The following CLSTN2 variants were observed in gnomAD, a reference collection of about 807,000 sequenced individuals.
CLSTN2 encodes the protein calsyntenin-2.
Under a neutral mutation model 101.2 loss-of-function variants are expected in CLSTN2, and 48 were observed. The ratio of observed to expected loss-of-function variants is 0.47; its 90% CI spans 0.38 to 0.60. The LOEUF is 0.60. CLSTN2 is among the 20% of genes least tolerant of loss of function. The probability of loss-of-function intolerance (pLI) is 0.00; values close to 1 mark genes in which losing one functional copy is unlikely to be tolerated. For synonymous variants in CLSTN2, 481 were observed against 463.6 expected, an observed-to-expected ratio of 1.04 and a Z score of -0.48; for missense variants, 1,160 against 1,238.2, an observed-to-expected ratio of 0.94 and a Z score of 0.95.
At position 140,574,886 on chromosome 3, in the gene CLSTN2, T is replaced by C. The variant is rs138682272; in HGVS notation, c.*8633T>C. ...GGCAAAGGGATGAGGAGGTAGCATC[T>C]CCTCTTCAGAAGGATTCATAAGGGC... is the stretch of plus-strand genomic sequence containing the variant. On this transcript the variant is annotated 3_prime_UTR_variant, in exon 17 of 17. Transcript: ENST00000458420. 923 of 152,320 alleles carry C rather than the reference T, an allele frequency of 6.1e-3. 18 individuals are homozygous for C. Among genetic ancestry groups the C allele is most frequent in the South Asian group, 7.5e-3 (36 of 4,826 alleles). The allele number at this position is 152,320 out of a possible 1,614,324, so 9.4% of individuals were successfully genotyped here.
chr3:140,086,633 G>T (rs916470075), intron 1 of CLSTN2, among the ~76,000 whole-genome samples: 1 of 152,108 alleles, frequency 6.6e-6, no homozygotes, highest in Non-Finnish European at 1.5e-5. Flanking sequence ...CACTCATTTT[G>T]GGTCCCCAGC....
intron 5 of CLSTN2, among the ~76,000 whole-genome samples, chr3:140,439,655 T>A (rs2088737128): frequency 6.6e-6 from 1 of 152,234 alleles, no homozygotes. Flanking sequence ...TTCACATTTG[T>A]CCACGACATT....
chr3:140,114,874 T>A (rs2009215689), intron 1 of CLSTN2, among the ~76,000 whole-genome samples: 1 of 152,120 alleles, frequency 6.6e-6, no homozygotes, highest in Admixed American at 6.5e-5. Context: ...GTTAACATGG[T>A]TAATATTCTC....
intron 1 of CLSTN2, among the ~76,000 whole-genome samples, chr3:139,973,093 A>G (rs1056629421): frequency 1.3e-5 from 2 of 152,248 alleles, no homozygotes; most frequent in African/African-American, 4.8e-5. Flanking sequence ...CACTGTGAGC[A>G]GGGCTCTGAG....
At chr3:140,012,646 ACT>A (rs1363971699) in intron 1 of CLSTN2, among the ~76,000 whole-genome samples, 2 of 151,958 alleles carry the variant, frequency 1.3e-5, no homozygotes, top group South Asian at 4.2e-4. Flanking sequence ...CATCTCATCG[ACT>A]CTCCCAGCTG....
At position 140,041,958 on chromosome 3, in the gene CLSTN2, C is replaced by A. The variant is rs901961761; in HGVS notation, c.109+106475C>A. Among the ~76,000 whole-genome samples, 56 of 152,132 alleles carry A rather than the reference C, an allele frequency of 3.7e-4. 1 individual carries two copies. Among genetic ancestry groups the A allele is most frequent in the African/African-American group, 1.3e-3 (53 of 41,428 alleles). ...GCTCCATCTACATGCCAGCCCTAGT[C>A]TTCGTTTGTTTATTTTCATACATAA... On this transcript the variant is annotated intron_variant, in intron 1 of 16. Transcript: ENST00000458420.
In CLSTN2 at chr3:140,112,695, G is replaced by C. The variant is rs904606285; in HGVS notation, c.110-63256G>C. 2.0e-5 allele frequency among the ~76,000 whole-genome samples: 3 copies of C among 152,136 alleles called. No homozygotes were observed. In the East Asian group the frequency reaches 5.8e-4, roughly 29 times the overall value. ...AATGCTAGGTTGCAAGCAGAGGCAG[G>C]ATGAACCCGTGCTGAGACTGCACGT... On this transcript the variant is annotated intron_variant, in intron 1 of 16. Coordinates refer to ENST00000458420, the MANE Select transcript of CLSTN2 (RefSeq NM_022131.3).
At chr3:140,076,211 A>G (rs1031224880) in intron 1 of CLSTN2, among the ~76,000 whole-genome samples, 1 of 152,128 alleles carries the variant, frequency 6.6e-6, no homozygotes, top group African/African-American at 2.4e-5. Flanking sequence ...CTTCGCGTTC[A>G]TCCTTGTTGT....
chr3:140,128,138 T>C (rs564356049), intron 1 of CLSTN2, among the ~76,000 whole-genome samples: 37 of 152,332 alleles, frequency 2.4e-4, no homozygotes, highest in African/African-American at 8.4e-4. Flanking sequence ...TTTTTCTAGG[T>C]TGAGCTTTCA....
intron 8 of CLSTN2, among the ~76,000 whole-genome samples, chr3:140,518,217 C>T (rs1234754980): frequency 6.6e-6 from 1 of 152,178 alleles, no homozygotes; most frequent in Non-Finnish European, 1.5e-5. Context: ...CCCCAGGCTA[C>T]CAGCCTGCCA....
At chr3:140,158,755 G>A (rs1334218680) in intron 1 of CLSTN2, among the ~76,000 whole-genome samples, 2 of 152,028 alleles carry the variant, frequency 1.3e-5, no homozygotes, top group South Asian at 4.1e-4. Flanking sequence ...AATAAAAAGT[G>A]TCACACTCCC....
rs116078030 is a variant in CLSTN2 at position 140,121,630 on chromosome 3, C to T, written c.110-54321C>T. Among the ~76,000 whole-genome samples the T allele has an allele frequency of 3.7e-3, 556 of 152,302 alleles. 2 individuals carry two copies. Among genetic ancestry groups the T allele is most frequent in the African/African-American group, 0.013 (532 of 41,568 alleles). ...TCCCAGAAACAAGGACCAGGAGGTGCTGGAGTCTCCTCACCTCTTCCAAGT... is the reference window on the plus strand; with the variant it reads ...TCCCAGAAACAAGGACCAGGAGGTGTTGGAGTCTCCTCACCTCTTCCAAGT... On this transcript the variant is annotated intron_variant, in intron 1 of 16. Coordinates refer to ENST00000458420, the MANE Select transcript of CLSTN2 (RefSeq NM_022131.3).
At chr3:140,131,790 A>G (rs1417651503) in intron 1 of CLSTN2, among the ~76,000 whole-genome samples, 4 of 152,062 alleles carry the variant, frequency 2.6e-5, no homozygotes, top group African/African-American at 9.7e-5. Flanking sequence ...TAGGGAGCTC[A>G]CTCTGGCAGC....
At chr3:139,952,286 C>T (rs1415646031) in intron 1 of CLSTN2, among the ~76,000 whole-genome samples, 1 of 152,116 alleles carries the variant, frequency 6.6e-6, no homozygotes, top group Non-Finnish European at 1.5e-5. Flanking sequence ...ACCATATTTT[C>T]GATTATAATG....
intron 9 of CLSTN2, among the ~76,000 whole-genome samples, chr3:140,543,172 C>CGGA (rs371443209): frequency 3.5e-4 from 54 of 152,220 alleles, no homozygotes; most frequent in African/African-American, 1.3e-3. Flanking sequence ...TGCTGCTCCA[C>CGGA]GGAGGAGGAG....
At chr3:140,060,672 G>T (rs887087043) in intron 1 of CLSTN2, among the ~76,000 whole-genome samples, 6 of 152,128 alleles carry the variant, frequency 3.9e-5, no homozygotes, top group Non-Finnish European at 7.4e-5. Context: ...TGTAATGTCT[G>T]GGCCCATCAC....
chr3:140,034,887 T>C (rs1288979296), intron 1 of CLSTN2, among the ~76,000 whole-genome samples: 1 of 152,192 alleles, frequency 6.6e-6, no homozygotes, highest in Non-Finnish European at 1.5e-5. Context: ...AAACCCCAGA[T>C]TGCACAAGAG....
At chr3:139,980,374 G>T (rs2162211) in intron 1 of CLSTN2, among the ~76,000 whole-genome samples, 2 of 151,860 alleles carry the variant, frequency 1.3e-5, no homozygotes, top group East Asian at 1.9e-4. Flanking sequence ...AGATGTCCAT[G>T]TCCCTTGCTC....
chr3:139,949,089 C>T (rs1388679164), intron 1 of CLSTN2, among the ~76,000 whole-genome samples: 1 of 152,142 alleles, frequency 6.6e-6, no homozygotes, highest in Non-Finnish European at 1.5e-5. Context: ...GAAGGCCTCC[C>T]CCACGCTGTC....
Sources: gnomAD v4.1 joint callset for allele counts (sites outside exome capture counted in the v4.1 genomes callset) on GRCh38, gnomAD v4.1.1 for gene constraint, MANE v1.5 for transcripts, NCBI Gene and HGNC (gene_info 2026-07-23, HGNC 2026-07-21) for gene names.